The following THSD7A variants were observed in gnomAD, a reference collection of about 807,000 sequenced individuals.
THSD7A encodes thrombospondin type 1 domain containing 7A, also known as thrombospondin type-1 domain-containing protein 7A.
THSD7A carries 96 observed loss-of-function variants against 231.3 expected under a neutral mutation model. The observed-to-expected ratio is 0.41, with a 90% confidence interval of 0.35 to 0.49. The LOEUF (loss-of-function observed/expected upper bound fraction) is 0.49. THSD7A is among the 20% of genes least tolerant of loss of function. The pLI is 0.05. For synonymous variants in THSD7A, 940 were observed against 743.3 expected (o/e 1.26, Z -4.30); for missense variants, 2,290 against 2,070.2 (o/e 1.11, Z -2.06).
chr7:11,779,020 C>A (rs1783537914), intron 1 of THSD7A, among the ~76,000 whole-genome samples: 2 of 151,960 alleles, frequency 1.3e-5, no homozygotes, highest in Non-Finnish European at 2.9e-5. Context: ...AACTTTTTCA[C>A]CTAGAAGTTC....
chr7:11,504,516 A>C (rs189241421), intron 6 of THSD7A, among the ~76,000 whole-genome samples: 26 of 152,282 alleles, frequency 1.7e-4, no homozygotes, highest in Non-Finnish European at 2.6e-4. Flanking sequence ...ACTGTCCGCT[A>C]TTATTCCTTT....
intron 23 of THSD7A, among the ~76,000 whole-genome samples, chr7:11,396,000 G>A (rs1031305886): frequency 2.0e-5 from 3 of 152,076 alleles, no homozygotes; most frequent in South Asian, 2.1e-4. Context: ...ACTCAAAACC[G>A]CTCAACTACA....
chr7:11,709,778 C>G lies in THSD7A; in HGVS notation c.191-72817G>C, dbSNP rs575415254. 3.3e-5 allele frequency among the ~76,000 whole-genome samples: 5 copies of G among 150,806 alleles called. No homozygotes were observed. The South Asian group carries it at 1.0e-3, about 31-fold the overall frequency. On this transcript the variant is annotated intron_variant, in intron 1 of 27. Transcript: ENST00000423059. ...TAGAAGGTAAATCATGACTAGGAAGCCACAGAGAATACAGCAAGTTTGTTT... is the reference window on the plus strand; with the variant it reads ...TAGAAGGTAAATCATGACTAGGAAGGCACAGAGAATACAGCAAGTTTGTTT...
chr7:11,561,762 G>A (rs1207628768), intron 4 of THSD7A, among the ~76,000 whole-genome samples: 1 of 152,146 alleles, frequency 6.6e-6, no homozygotes, highest in Non-Finnish European at 1.5e-5. Flanking sequence ...TGAGGCACAA[G>A]AATTGCTTGA....
chr7:11,614,111 C>T (rs983706195), intron 2 of THSD7A, among the ~76,000 whole-genome samples: 1 of 152,150 alleles, frequency 6.6e-6, no homozygotes. Flanking sequence ...ACTGAACCAT[C>T]AGCAAATATA....
intron 1 of THSD7A, among the ~76,000 whole-genome samples, chr7:11,670,123 AAGAC>A (rs1429135732): frequency 2.0e-5 from 3 of 152,216 alleles, no homozygotes; most frequent in Admixed American, 1.3e-4. Flanking sequence ...AAACAGCACA[AAGAC>A]AGGCAAAAAG....
At chr7:11,661,859 G>A (rs915597616) in intron 1 of THSD7A, among the ~76,000 whole-genome samples, 2 of 151,328 alleles carry the variant, frequency 1.3e-5, no homozygotes, top group African/African-American at 4.8e-5. Context: ...CACTACGAGT[G>A]TTATCAATGG....
chr7:11,474,303 C>A lies in THSD7A; in HGVS notation c.2252+31G>T, dbSNP rs773134507. ...CCAATCCTCTGCACAGGTGGCTACACGATTTACTGTTGTCATTCTAAAGCT... is the reference window on the plus strand; with the variant it reads ...CCAATCCTCTGCACAGGTGGCTACAAGATTTACTGTTGTCATTCTAAAGCT... On this transcript the variant is annotated intron_variant, in intron 8 of 27. Coordinates refer to ENST00000423059, the MANE Select transcript of THSD7A (RefSeq NM_015204.3). This position sits in a 1 kb window ranked among gnomAD's most constrained non-coding sequence, Gnocchi z 4.1. 2.5e-6 allele frequency: 4 copies of A among 1,569,220 alleles called. No individual in the cohort carries two copies. In the African/African-American group the frequency reaches 4.0e-5, roughly 16 times the overall value.
chr7:11,831,941 C>G lies in THSD7A; in HGVS notation c.6G>C (p.Gly2=). The G allele has an allele frequency of 8.1e-7, 1 of 1,232,658 alleles. No homozygotes were observed. The highest frequency in any genetic ancestry group is 1.0e-6 in the Non-Finnish European group (1 of 990,430). The allele number at this position is 1,232,658 out of a possible 1,614,324, so 76.4% of individuals were successfully genotyped here. Residue 2 remains glycine, a synonymous_variant, in exon 1 of 28, where the codon GGG becomes GGC. Transcript: ENST00000423059. The surrounding 1 kb of genome is among the most constrained non-coding windows in gnomAD (Gnocchi z 5.0). ...CGGACGCCCAGCGCCTGGCTTGCAG[C>G]CCCATGCCGCCTGCAGCCACTCCAG... The part of the protein sequence containing the change: M[G]LQARRWASGS...
At chr7:11,431,441 T>C (rs764685244) in intron 13 of THSD7A, among the ~76,000 whole-genome samples, 7 of 152,188 alleles carry the variant, frequency 4.6e-5, no homozygotes, top group Non-Finnish European at 8.8e-5. Context: ...CTGTCTTCAG[T>C]TGTTGAAAAA....
In THSD7A at chr7:11,590,510, T is replaced by C. The variant is rs752576930; in HGVS notation, c.1403A>G (p.Gln468Arg). The C allele has an allele frequency of 3.1e-6, 5 of 1,613,712 alleles. No homozygotes were observed. In the African/African-American group the frequency reaches 4.0e-5, roughly 13 times the overall value. ...TTGTGAGAGGAGGTTTTCGTTGGCC[T>C]GCACGCAGTACACCTCTCGGGTCTG... ...GIQTREVYCV[Q>R]ANENLLSQLS... The change falls in exon 4 of 28, where the codon CAG (glutamine) becomes CGG (arginine). Residue 468 changes from glutamine to arginine, a missense_variant. Gln to Arg is a conservative substitution (Grantham distance 43). Coordinates refer to ENST00000423059, the MANE Select transcript of THSD7A (RefSeq NM_015204.3). This position sits in a 1 kb window ranked among gnomAD's most constrained non-coding sequence, Gnocchi z 4.4.
chr7:11,625,568 T>TA (rs1478017435), intron 2 of THSD7A, among the ~76,000 whole-genome samples: 4 of 151,660 alleles, frequency 2.6e-5, no homozygotes, highest in Non-Finnish European at 5.9e-5. Flanking sequence ...TATGAGATTT[T>TA]AAAAAAAATA....
At chr7:11,591,453 C>G (rs1245862300) in intron 3 of THSD7A, among the ~76,000 whole-genome samples, 1 of 151,972 alleles carries the variant, frequency 6.6e-6, no homozygotes, top group Non-Finnish European at 1.5e-5. Context: ...TCATGTAGCA[C>G]TTTGTGTCAC....
intron 9 of THSD7A, 55 bp downstream of exon 9, chr7:11,469,824 A>G (rs1305583230): frequency 2.4e-5 from 29 of 1,228,068 alleles, no homozygotes; most frequent in Non-Finnish European, 3.4e-5. Context: ...AGACCTCAGA[A>G]GTCTACCGAG....
intron 4 of THSD7A, among the ~76,000 whole-genome samples, chr7:11,581,617 T>C (rs895075305): frequency 6.6e-6 from 1 of 152,074 alleles, no homozygotes; most frequent in African/African-American, 2.4e-5. Context: ...TTGAACAATA[T>C]CAATTTGGTA....
chr7:11,388,741 T>C (rs541831420), intron 23 of THSD7A, among the ~76,000 whole-genome samples: 9 of 152,334 alleles, frequency 5.9e-5, no homozygotes, highest in African/African-American at 2.2e-4. Context: ...TCTAGCACTT[T>C]TAATTGTGAT....
intron 11 of THSD7A, among the ~76,000 whole-genome samples, chr7:11,449,154 T>A (rs1308725247): frequency 2.0e-5 from 3 of 152,006 alleles, no homozygotes; most frequent in African/African-American, 7.2e-5. Flanking sequence ...ATTTCCCTGG[T>A]TGAGGTTGGG....
At chr7:11,746,408 G>A (rs1303131393) in intron 1 of THSD7A, among the ~76,000 whole-genome samples, 8 of 151,748 alleles carry the variant, frequency 5.3e-5, no homozygotes, top group Non-Finnish European at 1.0e-4. Flanking sequence ...TCTGTTCCAG[G>A]ATCTAATCCA....
At chr7:11,638,724 G>A (rs1473134826) in intron 1 of THSD7A, among the ~76,000 whole-genome samples, 3 of 152,042 alleles carry the variant, frequency 2.0e-5, no homozygotes, top group Non-Finnish European at 2.9e-5. Context: ...AATACTCAAG[G>A]AGACTGGGAA....
Sources: allele counts gnomAD v4.1 joint callset (sites outside exome capture counted in the v4.1 genomes callset), GRCh38; gene constraint gnomAD v4.1.1; non-coding constraint Gnocchi (gnomAD v3.1); transcripts MANE v1.5; gene names NCBI Gene and HGNC (gene_info 2026-07-23, HGNC 2026-07-21).